AP2A1: variants seen among roughly 807,000 people sequenced by gnomAD.
AP2A1 encodes the protein AP-2 complex subunit alpha-1.
AP2A1 carries 21 observed loss-of-function variants against 107.3 expected under a neutral mutation model. The ratio of observed to expected loss-of-function variants is 0.20; its 90% CI spans 0.14 to 0.28. The LOEUF is 0.28. AP2A1 is among the 10% of genes least tolerant of loss of function. The probability of loss-of-function intolerance (pLI) is 1.00; values close to 1 mark genes in which losing one functional copy is unlikely to be tolerated. For missense variants in AP2A1, 873 were observed against 1,307.7 expected (o/e 0.67, Z 5.13); for synonymous variants, 602 against 564.8 (o/e 1.07, Z -0.93).
At chr19:49,802,739 G>C in intron 15 of AP2A1, 1 of 1,070,772 alleles carries the variant, frequency 9.3e-7, no homozygotes, top group Non-Finnish European at 1.3e-6. Context: ...GGGAAACTTG[G>C]TGTCTGCCGA....
intron 6 of AP2A1, among the ~76,000 whole-genome samples, chr19:49,794,394 G>T (rs1158654794): frequency 6.6e-6 from 1 of 151,580 alleles, no homozygotes; most frequent in African/African-American, 2.4e-5. Flanking sequence ...GTAGAGATCG[G>T]TCTTGCTTTG....
intron 22 of AP2A1, 132 bp downstream of exon 22, chr19:49,806,385 A>G: frequency 1.4e-6 from 2 of 1,437,008 alleles, no homozygotes; most frequent in Non-Finnish European, 1.8e-6. Flanking sequence ...TTCTTTGTCC[A>G]CTTTTACTCC....
chr19:49,795,857 G>A, intron 7 of AP2A1, 119 bp downstream of exon 7: 4 of 819,054 alleles, frequency 4.9e-6, no homozygotes, highest in Non-Finnish European at 7.8e-6. Flanking sequence ...CTCTGAAGCT[G>A]GGGCGGTTCC....
intron 1 of AP2A1, among the ~76,000 whole-genome samples, chr19:49,772,266 T>G (rs1361429095): frequency 7.4e-6 from 1 of 134,756 alleles, no homozygotes; most frequent in African/African-American, 2.8e-5. Context: ...TTTTTTTTTT[T>G]TTTTTTTTTT....
chr19:49,781,096 C>T (rs2084669834), intron 1 of AP2A1, among the ~76,000 whole-genome samples: 1 of 152,112 alleles, frequency 6.6e-6, no homozygotes, highest in Non-Finnish European at 1.5e-5. Flanking sequence ...AAGCAGAGAC[C>T]TGGCCTGCAG....
chr19:49,801,830 C>A lies in AP2A1; in HGVS notation c.1894C>A (p.Arg632=). The change falls in exon 14 of 23, where the codon CGG becomes AGG. Residue 632 remains arginine, a synonymous_variant. Transcript: ENST00000354293. The part of the protein sequence containing the change: ...PGAGSALDDG[R]RDPSSNDING... ...GGCCGGCAGCGCCCTGGACGATGGC[C>A]GGAGGGACCCCAGCAGCAACGACAT... 6.6e-7 allele frequency: 1 copy of A among 1,522,680 alleles called. No homozygotes were observed. 94.3% of individuals were successfully genotyped at this position (1,522,680 alleles called of 1,614,324 possible). A position where few individuals can be genotyped will look rare whatever the true frequency, so the allele number is the denominator to read the frequency against.
At position 49,767,006 on chromosome 19, in the gene AP2A1, C is replaced by G. The variant is rs1011061704; in HGVS notation, c.-128C>G. 11 of 968,232 alleles carry G rather than the reference C, an allele frequency of 1.1e-5. No individual in the cohort carries two copies. The highest frequency in any genetic ancestry group is 1.7e-5 in the African/African-American group (1 of 57,290). The allele number at this position is 968,232 out of a possible 1,614,324, so 60.0% of individuals were successfully genotyped here. A position where few individuals can be genotyped will look rare whatever the true frequency, so the allele number is the denominator to read the frequency against. On this transcript the variant is annotated 5_prime_UTR_variant, in exon 1 of 23. Transcript: ENST00000354293. The stretch of plus-strand genomic sequence containing the variant: ...GCCAGCCCGCCCGCCCGCCCGCCAG[C>G]CAGCCCTCCCCGCGGCCGGCTCGGC...
Position 49,802,988 on chromosome 19 carries a change from C to G in AP2A1, c.2154C>G (p.Ala718=). 1 of 1,613,582 alleles carries G rather than the reference C, an allele frequency of 6.2e-7. No individual in the cohort carries two copies. The highest frequency in any genetic ancestry group is 1.1e-5 in the South Asian group (1 of 91,004). Residue 718 remains alanine, a synonymous_variant, in exon 16 of 23, where the codon GCC becomes GCG. Coordinates refer to ENST00000354293, the MANE Select transcript of AP2A1 (RefSeq NM_130787.3). ...PEDIGPPIPE[A]DELLNKFVCK... ...ACATCGGCCCTCCCATTCCGGAAGC[C>G]GATGAGTTGCTGAATAAGTGAGTCC... is the stretch of plus-strand genomic sequence containing the variant.
At position 49,806,108 on chromosome 19, in the gene AP2A1, C is replaced by G. The variant is rs369111617; in HGVS notation, c.2656-11C>G. 2.6e-4 allele frequency: 407 copies of G among 1,567,694 alleles called. 1 individual carries two copies. In the African/African-American group the frequency reaches 5.1e-3, roughly 20 times the overall value. Reference sequence around the variant, plus strand: ...TCTGGCACACTCTGACGGCGCCCCCCCTCCTCCCAGCTTCTGGGGTTTGGC... The same window carrying G: ...TCTGGCACACTCTGACGGCGCCCCCGCTCCTCCCAGCTTCTGGGGTTTGGC... On this transcript the variant is annotated splice_polypyrimidine_tract_variant and intron_variant, in intron 21 of 22. Coordinates refer to ENST00000354293, the MANE Select transcript of AP2A1 (RefSeq NM_130787.3).
At chr19:49,787,726 ATT>A (rs2073091320) in intron 4 of AP2A1, among the ~76,000 whole-genome samples, 1 of 152,054 alleles carries the variant, frequency 6.6e-6, no homozygotes, top group African/African-American at 2.4e-5. Flanking sequence ...CTACCACCTA[ATT>A]GCAGAACACT....
At chr19:49,784,728 G>A (rs1045176100) in intron 4 of AP2A1, among the ~76,000 whole-genome samples, 2 of 151,896 alleles carry the variant, frequency 1.3e-5, no homozygotes, top group Admixed American at 1.3e-4. Context: ...AATATTAGCC[G>A]GGTGGGGTGC....
At chr19:49,803,431 C>A in intron 18 of AP2A1, 55 bp downstream of exon 18, 1 of 1,470,166 alleles carries the variant, frequency 6.8e-7, no homozygotes. Context: ...CCTTCCTCAC[C>A]GTGGGGAAGC....
chr19:49,774,160 A>G (rs1422553914), intron 1 of AP2A1, among the ~76,000 whole-genome samples: 1 of 152,182 alleles, frequency 6.6e-6, no homozygotes, highest in Non-Finnish European at 1.5e-5. Context: ...CCTGAGCCCC[A>G]GCCCCACCCG....
At chr19:49,779,511 A>AAAAAAC (rs369375626) in intron 1 of AP2A1, among the ~76,000 whole-genome samples, 42 of 145,490 alleles carry the variant, frequency 2.9e-4, no homozygotes, top group African/African-American at 1.1e-3. Flanking sequence ...AAAAAAAAAA[A>AAAAAAC]CAGAAACAGG....
In AP2A1 at chr19:49,803,886, C is replaced by T. The variant is rs2073325334; in HGVS notation, c.2344+510C>T. The T allele has an allele frequency of 2.5e-5, 4 of 161,136 alleles. No individual in the cohort carries two copies. In the South Asian group the frequency reaches 6.7e-4, roughly 27 times the overall value. The allele number at this position is 161,136 out of a possible 1,614,324, so 10.0% of individuals were successfully genotyped here. ...GGGCGGCTGGAGGTATCAGTCCCCC[C>T]TGCCCGTTCTCTGGGCCTCCATTGC... On this transcript the variant is annotated intron_variant, in intron 18 of 22. Coordinates refer to ENST00000354293, the MANE Select transcript of AP2A1 (RefSeq NM_130787.3).
rs763133617 is a variant in AP2A1, at chr19:49,802,059, G to C, written c.2032G>C (p.Ala678Pro). The C allele has an allele frequency of 6.3e-7, 1 of 1,591,006 alleles. No individual in the cohort carries two copies. Among genetic ancestry groups the C allele is most frequent in the South Asian group, 1.1e-5 (1 of 89,074 alleles). ...GGCAGCACCCCCGGCTTCTGCAGGA[G>C]CAGGGAACCTTCTGGTGGACGTCTT... ...PPAAPPASAGAGNLLVDVFDG... is the reference protein window; with the variant it reads ...PPAAPPASAGPGNLLVDVFDG... The change falls in exon 15 of 23, where the codon GCA (alanine) becomes CCA (proline). Residue 678 changes from alanine (A) to proline (P), a missense_variant. Physicochemically the swap from Ala to Pro is conservative, Grantham distance 27. Transcript: ENST00000354293.
chr19:49,791,121 G>T (rs1248874306), intron 4 of AP2A1, among the ~76,000 whole-genome samples: 1 of 152,218 alleles, frequency 6.6e-6, no homozygotes, highest in African/African-American at 2.4e-5. Flanking sequence ...CACGGGCTCC[G>T]CCTTCCTGAT....
chr19:49,799,059 G>T, intron 8 of AP2A1, 107 bp downstream of exon 8: 1 of 1,436,066 alleles, frequency 7.0e-7, no homozygotes, highest in Non-Finnish European at 9.4e-7. Flanking sequence ...TTGACTTTTA[G>T]GTAGGGTAGG....
At chr19:49,768,101 T>C (rs1231019002) in intron 1 of AP2A1, among the ~76,000 whole-genome samples, 2 of 151,880 alleles carry the variant, frequency 1.3e-5, no homozygotes, top group Admixed American at 1.3e-4. Flanking sequence ...TCTGGAAAGC[T>C]GGGAATAGGG....
Sources: allele counts gnomAD v4.1 joint callset (sites outside exome capture counted in the v4.1 genomes callset), GRCh38; gene constraint gnomAD v4.1.1; transcripts MANE v1.5; gene names NCBI Gene and HGNC (gene_info 2026-07-23, HGNC 2026-07-21).